NRXN3: variants seen among roughly 807,000 people sequenced by gnomAD.
The protein encoded by NRXN3 is neurexin 3, also known as neurexin III.
A neutral mutation model predicts 137.6 loss-of-function variants in NRXN3; 32 were observed. The ratio of observed to expected loss-of-function variants is 0.23; its 90% CI spans 0.18 to 0.31. NRXN3 has a LOEUF of 0.31. NRXN3 is among the 10% of genes least tolerant of loss of function. The pLI, the probability that NRXN3 is intolerant of heterozygous loss-of-function variation, is 1.00. For synonymous variants in NRXN3, 798 were observed against 784.5 expected (o/e 1.02, Z -0.29); for missense variants, 1,574 against 2,062.5 (o/e 0.76, Z 4.59).
intron 4 of NRXN3, among the ~76,000 whole-genome samples, chr14:78,547,692 G>A (rs185417767): frequency 1.3e-4 from 19 of 151,226 alleles, no homozygotes; most frequent in Middle Eastern, 3.4e-3. Flanking sequence ...TTAAATTTTT[G>A]GGGGAGATGT....
rs139284225 is a variant in NRXN3 at position 79,527,739 on chromosome 14, G to T, written c.3444+60337G>T. On this transcript the variant is annotated intron_variant, in intron 16 of 20. Coordinates refer to ENST00000335750, the MANE Select transcript of NRXN3 (RefSeq NM_001330195.2). ...AATACAAAAATTAGCTGGGCGTGGT[G>T]GTGCACCTGTAGTCCCAGCTACTTG... is the stretch of plus-strand genomic sequence containing the variant. 9.6e-3 allele frequency among the ~76,000 whole-genome samples: 1,454 copies of T among 151,702 alleles called. 21 individuals are homozygous for T. Among genetic ancestry groups the T allele is most frequent in the African/African-American group, 0.034 (1,399 of 41,370 alleles).
At chr14:79,708,203 A>C (rs557682969) in intron 19 of NRXN3, among the ~76,000 whole-genome samples, 1 of 152,244 alleles carries the variant, frequency 6.6e-6, no homozygotes, top group East Asian at 1.9e-4. Context: ...CTTTTTTCTT[A>C]CTATTATTCC....
chr14:78,835,966 AG>A (rs1408965285), intron 10 of NRXN3, among the ~76,000 whole-genome samples: 3 of 152,150 alleles, frequency 2.0e-5, no homozygotes, highest in African/African-American at 7.2e-5. Flanking sequence ...CTCTAATTAC[AG>A]GGTTTTTGGC....
At chr14:78,662,517 T>A (rs2097849825) in intron 6 of NRXN3, among the ~76,000 whole-genome samples, 1 of 151,994 alleles carries the variant, frequency 6.6e-6, no homozygotes, top group Non-Finnish European at 1.5e-5. Context: ...AAGTAATGAG[T>A]TCTCCAACAC....
At chr14:79,213,243 G>A (rs2067968365) in intron 15 of NRXN3, among the ~76,000 whole-genome samples, 1 of 152,136 alleles carries the variant, frequency 6.6e-6, no homozygotes, top group South Asian at 2.1e-4. Flanking sequence ...GGACAGGTGT[G>A]TTAGTTACAT....
At chr14:79,754,548 AT>A (rs2099012020) in intron 19 of NRXN3, among the ~76,000 whole-genome samples, 2 of 77,714 alleles carry the variant, frequency 2.6e-5, no homozygotes, top group South Asian at 3.8e-4. Context: ...ATATATATAT[AT>A]ATATATATAT....
chr14:78,593,721 C>T (rs900416977), intron 4 of NRXN3, among the ~76,000 whole-genome samples: 24 of 152,124 alleles, frequency 1.6e-4, no homozygotes, highest in African/African-American at 5.6e-4. Context: ...AATTGTCATC[C>T]TAACCCAGCA....
Position 79,455,828 on chromosome 14 carries a change from TTTATA to T in NRXN3, c.3263-11388_3263-11384del, listed in dbSNP as rs536656673. Among the ~76,000 whole-genome samples the T allele has an allele frequency of 4.8e-3, 736 of 152,024 alleles. 4 individuals carry two copies. Among genetic ancestry groups the T allele is most frequent in the African/African-American group, 0.017 (701 of 41,568 alleles). ...AGCAAACTTTGGGATATTTTTAACT[TTTATA>T]TTATTTCAAATATTATCGGGTAAAT... On this transcript the variant is annotated intron_variant, in intron 15 of 20. Coordinates refer to ENST00000335750, the MANE Select transcript of NRXN3 (RefSeq NM_001330195.2).
At chr14:79,681,002 T>C (rs999193231) in intron 17 of NRXN3, among the ~76,000 whole-genome samples, 1 of 152,154 alleles carries the variant, frequency 6.6e-6, no homozygotes, top group African/African-American at 2.4e-5. Flanking sequence ...AACACATGCA[T>C]CAACCTTTCT....
At chr14:79,650,482 T>C (rs2098470785) in intron 16 of NRXN3, among the ~76,000 whole-genome samples, 1 of 152,184 alleles carries the variant, frequency 6.6e-6, no homozygotes, top group Non-Finnish European at 1.5e-5. Context: ...AATGTGACTT[T>C]GTCTTACGGA....
chr14:79,465,579 A>G (rs1259863078), intron 15 of NRXN3, among the ~76,000 whole-genome samples: 3 of 152,218 alleles, frequency 2.0e-5, no homozygotes, highest in South Asian at 2.1e-4. Flanking sequence ...TTCTAGTCTC[A>G]CAAGAGTTAA....
At chr14:78,198,050 C>T (rs565310521) in intron 1 of NRXN3, among the ~76,000 whole-genome samples, 1 of 152,272 alleles carries the variant, frequency 6.6e-6, no homozygotes, top group South Asian at 2.1e-4. Flanking sequence ...AAGATACGAC[C>T]AGGCCCTGCT....
chr14:78,638,514 A>G (rs929636091), intron 4 of NRXN3, among the ~76,000 whole-genome samples: 25 of 152,262 alleles, frequency 1.6e-4, no homozygotes, highest in African/African-American at 5.8e-4. Context: ...CTTTTAACAC[A>G]ATCATTCTGT....
At chr14:79,397,626 C>T (rs547672378) in intron 15 of NRXN3, among the ~76,000 whole-genome samples, 1 of 152,138 alleles carries the variant, frequency 6.6e-6, no homozygotes, top group Non-Finnish European at 1.5e-5. Context: ...AATCATAAAA[C>T]AATGGTCTTG....
chr14:78,737,814 G>A (rs1355822169), intron 8 of NRXN3, among the ~76,000 whole-genome samples: 1 of 152,148 alleles, frequency 6.6e-6, no homozygotes, highest in African/African-American at 2.4e-5. Flanking sequence ...TAGGCAGTCT[G>A]CAGGGAAGGG....
chr14:78,359,329 C>T (rs1317015289), intron 4 of NRXN3, among the ~76,000 whole-genome samples: 1 of 152,116 alleles, frequency 6.6e-6, no homozygotes, highest in Non-Finnish European at 1.5e-5. Context: ...GTCTTAAAGG[C>T]TCTCCAGGTG....
At chr14:78,590,131 G>A (rs564300205) in intron 4 of NRXN3, among the ~76,000 whole-genome samples, 2 of 152,314 alleles carry the variant, frequency 1.3e-5, no homozygotes, top group South Asian at 2.1e-4. Context: ...CCTCTGCCAC[G>A]GTTAGGAGGT....
intron 15 of NRXN3, among the ~76,000 whole-genome samples, chr14:79,192,183 T>A (rs1441398953): frequency 6.6e-6 from 1 of 152,172 alleles, no homozygotes; most frequent in East Asian, 1.9e-4. Flanking sequence ...TGGATTGGGA[T>A]CTTAGCACTT....
intron 4 of NRXN3, among the ~76,000 whole-genome samples, chr14:78,548,689 T>A (rs2096658925): frequency 6.6e-6 from 1 of 152,216 alleles, no homozygotes; most frequent in Admixed American, 6.5e-5. Context: ...TGCACACGTT[T>A]TGCACATTCC....
Sources: gnomAD v4.1 joint callset for allele counts (sites outside exome capture counted in the v4.1 genomes callset) on GRCh38, gnomAD v4.1.1 for gene constraint, MANE v1.5 for transcripts, NCBI Gene and HGNC (gene_info 2026-07-23, HGNC 2026-07-21) for gene names.